TMEM196: variants seen among roughly 807,000 people sequenced by gnomAD.
TMEM196 encodes transmembrane protein 196.
Under a neutral mutation model 20.0 loss-of-function variants are expected in TMEM196, and 17 were observed. The ratio of observed to expected loss-of-function variants is 0.85; its 90% confidence interval spans 0.58 to 1.27. TMEM196 has a LOEUF of 1.27. Among genes scored for constraint, TMEM196 ranks in the 50% most tolerant of loss-of-function variants. TMEM196 has a pLI of 0.00. For synonymous variants in TMEM196, 113 were observed against 88.9 expected, an observed-to-expected ratio of 1.27 and a Z score of -1.52; for missense variants, 267 against 223.0, an observed-to-expected ratio of 1.20 and a Z score of -1.26.
chr7:19,743,255 G>A (rs1400347991), intron 1 of TMEM196, among the ~76,000 whole-genome samples: 1 of 152,192 alleles, frequency 6.6e-6, no homozygotes, highest in Non-Finnish European at 1.5e-5. Context: ...TATCATCCCA[G>A]ATAGAGCCCC....
chr7:19,742,931 T>G (rs1784627928), intron 1 of TMEM196, among the ~76,000 whole-genome samples: 1 of 152,152 alleles, frequency 6.6e-6, no homozygotes, highest in Non-Finnish European at 1.5e-5. Context: ...AGAGAACACT[T>G]GTCTTTCCAT....
At chr7:19,756,660 T>C (rs17452685) in intron 1 of TMEM196, among the ~76,000 whole-genome samples, 3,953 of 151,216 alleles carry the variant, frequency 0.026, 82 homozygotes, top group South Asian at 0.067. Flanking sequence ...AAGTTCTTAT[T>C]GAAAGACATT....
intron 1 of TMEM196, among the ~76,000 whole-genome samples, chr7:19,764,783 G>A (rs958259817): frequency 6.6e-6 from 1 of 152,086 alleles, no homozygotes; most frequent in Non-Finnish European, 1.5e-5. Context: ...TAACATGGAG[G>A]TTGTGCTTGT....
chr7:19,771,505 T>G lies in TMEM196; in HGVS notation c.147+1045A>C, dbSNP rs1202841551. ...TTTCTTGAACTCCGTAATAATCATT[T>G]TCTTTTAGTGACTTAAAGCTCAAGT... On this transcript the variant is annotated intron_variant, in intron 1 of 4. Transcript: ENST00000405844. Among the ~76,000 whole-genome samples the G allele has an allele frequency of 2.6e-5, 4 of 152,232 alleles. No homozygotes were observed. The South Asian group carries it at 8.3e-4, about 31-fold the overall frequency.
intron 2 of TMEM196, among the ~76,000 whole-genome samples, chr7:19,726,528 T>C (rs1468226414): frequency 6.6e-6 from 1 of 152,172 alleles, no homozygotes; most frequent in African/African-American, 2.4e-5. Flanking sequence ...GAATATACAA[T>C]AGGCGTTCCA....
chr7:19,729,467 C>A, intron 1 of TMEM196, 29 bp from the exon 2 acceptor site: 1 of 1,547,186 alleles, frequency 6.5e-7, no homozygotes, highest in Non-Finnish European at 8.7e-7. Flanking sequence ...ACAATTACTC[C>A]TTATCCAAAG....
Position 19,752,061 on chromosome 7 carries a change from G to A in TMEM196, c.147+20489C>T, listed in dbSNP as rs78557320. On this transcript the variant is annotated intron_variant, in intron 1 of 4. Coordinates refer to ENST00000405844, the MANE Select transcript of TMEM196 (RefSeq NM_001363562.2). ...CTACCAATCATACTTGTTTCTGAAT[G>A]TCATGTTTTAAAGCATAATGTTATA... Among the ~76,000 whole-genome samples the A allele has an allele frequency of 9.8e-3, 1,490 of 152,272 alleles. 30 individuals carry two copies. The highest frequency in any genetic ancestry group is 0.034 in the African/African-American group (1,412 of 41,550).
At chr7:19,749,509 C>A (rs558621784) in intron 1 of TMEM196, among the ~76,000 whole-genome samples, 15 of 152,102 alleles carry the variant, frequency 9.9e-5, no homozygotes, top group African/African-American at 3.6e-4. Context: ...TGCTAAATGT[C>A]CTGGAAAGTT....
At chr7:19,764,017 A>C (rs1468054566) in intron 1 of TMEM196, among the ~76,000 whole-genome samples, 1 of 152,198 alleles carries the variant, frequency 6.6e-6, no homozygotes, top group Admixed American at 6.5e-5. Flanking sequence ...CAATATCTCC[A>C]ATTAAATGCA....
At chr7:19,733,984 A>C (rs1008154548) in intron 1 of TMEM196, among the ~76,000 whole-genome samples, 3 of 152,184 alleles carry the variant, frequency 2.0e-5, no homozygotes, top group Admixed American at 1.3e-4. Context: ...TCTACCAATG[A>C]GGGGGAGACA....
chr7:19,757,646 A>T (rs940941768), intron 1 of TMEM196, among the ~76,000 whole-genome samples: 9 of 152,096 alleles, frequency 5.9e-5, no homozygotes, highest in Non-Finnish European at 1.2e-4. Flanking sequence ...GCTGGAGCTG[A>T]AAAGACATTA....
intron 1 of TMEM196, among the ~76,000 whole-genome samples, chr7:19,729,820 G>A (rs1784131875): frequency 6.6e-6 from 1 of 152,160 alleles, no homozygotes; most frequent in African/African-American, 2.4e-5. Context: ...TTATACTACA[G>A]GAAAGAATCT....
chr7:19,748,765 A>G (rs1302655104), intron 1 of TMEM196, among the ~76,000 whole-genome samples: 5 of 152,214 alleles, frequency 3.3e-5, no homozygotes, highest in Non-Finnish European at 7.3e-5. Flanking sequence ...GGAGTGGTCT[A>G]CTAGAATGAG....
chr7:19,755,545 G>T (rs1374910787), intron 1 of TMEM196, among the ~76,000 whole-genome samples: 1 of 152,162 alleles, frequency 6.6e-6, no homozygotes, highest in Non-Finnish European at 1.5e-5. Context: ...AAAAAAATAA[G>T]ATTGAAAGTA....
intron 1 of TMEM196, among the ~76,000 whole-genome samples, chr7:19,761,237 T>G (rs1315047584): frequency 6.6e-6 from 1 of 152,206 alleles, no homozygotes; most frequent in African/African-American, 2.4e-5. Context: ...ATCTTCCTAT[T>G]TATATTTCTT....
chr7:19,734,050 C>T (rs1784307736), intron 1 of TMEM196, among the ~76,000 whole-genome samples: 1 of 152,082 alleles, frequency 6.6e-6, no homozygotes, highest in African/African-American at 2.4e-5. Flanking sequence ...AACAGGGGCT[C>T]AAGCTGAAGG....
At chr7:19,767,700 T>G (rs1050875121) in intron 1 of TMEM196, among the ~76,000 whole-genome samples, 1 of 151,980 alleles carries the variant, frequency 6.6e-6, no homozygotes, top group Non-Finnish European at 1.5e-5. Flanking sequence ...TGTAATTTTT[T>G]GGGGGGATAG....
rs1327930715 is a variant in TMEM196 at position 19,720,577 on chromosome 7, T to C, written c.*1551A>G. 1 of 151,984 alleles carries C rather than the reference T, an allele frequency of 6.6e-6. No individual in the cohort carries two copies. The highest frequency in any genetic ancestry group is 2.4e-5 in the African/African-American group (1 of 41,442). 9.4% of individuals were successfully genotyped at this position (151,984 alleles called of 1,614,324 possible). On this transcript the variant is annotated 3_prime_UTR_variant, in exon 5 of 5. Coordinates refer to ENST00000405844, the MANE Select transcript of TMEM196 (RefSeq NM_001363562.2). ...TATGTATTTAAAAATGATAGATTTC[T>C]TTGTCTGTTGCCAGAGGTTATATTC...
chr7:19,729,402 T>G lies in TMEM196; in HGVS notation c.184A>C (p.Lys62Gln). The G allele has an allele frequency of 7.1e-6, 11 of 1,551,050 alleles. No individual in the cohort carries two copies. Among genetic ancestry groups the G allele is most frequent in the Non-Finnish European group, 9.6e-6 (11 of 1,146,834 alleles). Residue 62 changes from lysine to glutamine, a missense_variant, in exon 2 of 5, where the codon AAA (lysine) becomes CAA (glutamine). Coordinates refer to ENST00000405844, the MANE Select transcript of TMEM196 (RefSeq NM_001363562.2). ...CTTACGACAAGTCCTGATTTTTTTT[T>G]GGCACACAATATTCCACAAATGCCA... ...LCGICGILCA[K>Q]KKSGLVMILF...
Sources: allele counts gnomAD v4.1 joint callset (sites outside exome capture counted in the v4.1 genomes callset), GRCh38; gene constraint gnomAD v4.1.1; transcripts MANE v1.5; gene names NCBI Gene and HGNC (gene_info 2026-07-23, HGNC 2026-07-21).